Variants in NCKAP5 observed in about 807,000 individuals in gnomAD.
NCKAP5 encodes nck-associated protein 5.
A neutral mutation model predicts 167.0 loss-of-function variants in NCKAP5; 92 were observed. The ratio of observed to expected loss-of-function variants is 0.55; its 90% confidence interval spans 0.47 to 0.66. The LOEUF (loss-of-function observed/expected upper bound fraction) is 0.66. Ranked by LOEUF, NCKAP5 falls within the 30% of genes least tolerant of loss-of-function variation. The pLI is 0.00. For missense variants in NCKAP5, 2,378 were observed against 2,315.0 expected, an observed-to-expected ratio of 1.03 and a Z score of -0.56; for synonymous variants, 891 against 877.4, an observed-to-expected ratio of 1.02 and a Z score of -0.27.
At chr2:133,296,830 C>G (rs1481821479) in intron 4 of NCKAP5, among the ~76,000 whole-genome samples, 1 of 152,170 alleles carries the variant, frequency 6.6e-6, no homozygotes, top group East Asian at 1.9e-4. Flanking sequence ...TTATGCTGCT[C>G]TCACTTTTTT....
chr2:133,384,809 G>A (rs1029934491), intron 3 of NCKAP5, among the ~76,000 whole-genome samples: 1 of 152,180 alleles, frequency 6.6e-6, no homozygotes, highest in Non-Finnish European at 1.5e-5. Context: ...TCTCTTTGAA[G>A]CAATTGTGAA....
the NCKAP5 span, among the ~76,000 whole-genome samples, chr2:133,632,502 C>T: frequency 6.6e-6 from 1 of 152,162 alleles, no homozygotes; most frequent in South Asian, 2.1e-4. Context: ...GCTTTATTTA[C>T]TTTTTTATAC....
At chr2:133,426,131 G>A (rs968146224) in intron 3 of NCKAP5, among the ~76,000 whole-genome samples, 2 of 151,910 alleles carry the variant, frequency 1.3e-5, no homozygotes, top group South Asian at 2.1e-4. Context: ...TTAGCTGGAC[G>A]TGGTGGTGCG....
chr2:133,250,708 A>T (rs1026962858), intron 4 of NCKAP5, among the ~76,000 whole-genome samples: 1 of 151,690 alleles, frequency 6.6e-6, no homozygotes, highest in African/African-American at 2.4e-5. Flanking sequence ...GGAGCCAAGG[A>T]GGGAGGATCA....
intron 2 of NCKAP5, among the ~76,000 whole-genome samples, chr2:133,557,081 G>A (rs1388889606): frequency 1.3e-5 from 2 of 152,162 alleles, no homozygotes; most frequent in Non-Finnish European, 1.5e-5. Context: ...CCTAGCAATG[G>A]AGAGAATTCT....
chr2:133,086,278 A>T (rs2080987370), intron 6 of NCKAP5, among the ~76,000 whole-genome samples: 1 of 152,150 alleles, frequency 6.6e-6, no homozygotes, highest in Non-Finnish European at 1.5e-5. Context: ...ATATCTAAAC[A>T]AACAGCTATT....
intron 3 of NCKAP5, among the ~76,000 whole-genome samples, chr2:133,498,139 C>T (rs1682104312): frequency 6.6e-6 from 1 of 152,078 alleles, no homozygotes; most frequent in South Asian, 2.1e-4. Context: ...GGAACATATG[C>T]CCGACATTTG....
chr2:133,134,664 AATGATC>A (rs1198041837), intron 5 of NCKAP5, among the ~76,000 whole-genome samples: 2 of 152,220 alleles, frequency 1.3e-5, no homozygotes, highest in East Asian at 3.8e-4. Flanking sequence ...GGTTCTACAG[AATGATC>A]TTGTCTATAC....
intron 6 of NCKAP5, among the ~76,000 whole-genome samples, chr2:133,027,510 C>T (rs2078738843): frequency 6.6e-6 from 1 of 152,184 alleles, no homozygotes; most frequent in Non-Finnish European, 1.5e-5. Flanking sequence ...CAAGGTCACA[C>T]AGAGTGTAAG....
At chr2:132,954,261 C>A (rs1009725391) in intron 8 of NCKAP5, among the ~76,000 whole-genome samples, 1 of 152,116 alleles carries the variant, frequency 6.6e-6, no homozygotes, top group Non-Finnish European at 1.5e-5. Context: ...CAGCAGCCCA[C>A]GGACCCTCTC....
rs1164681056 is a variant in NCKAP5 at position 132,784,386 on chromosome 2, A to G, written c.2425T>C (p.Ser809Pro). ...NLTKIPPRGK[S>P]SPQKSKLMEP... ...ATTAGTTTTGATTTCTGAGGTGAAG[A>G]CTTGCCCCTGGGAGGTATTTTTGTC... The change falls in exon 14 of 20, where the codon TCT becomes CCT. Residue 809 changes from serine (S) to proline (P), a missense_variant. By Grantham distance (74) the Ser-to-Pro change is moderately conservative. This residue lies in a region of NCKAP5 where 1,049 missense variants were observed against 1,023.4 expected (regional missense o/e 1.02). Transcript: ENST00000409261. 2 of 1,613,704 alleles carry G rather than the reference A, an allele frequency of 1.2e-6. No individual in the cohort carries two copies. The highest frequency in any genetic ancestry group is 1.7e-6 in the Non-Finnish European group (2 of 1,179,856).
At chr2:133,535,272 C>A (rs1326252810) in intron 2 of NCKAP5, among the ~76,000 whole-genome samples, 6 of 151,722 alleles carry the variant, frequency 4.0e-5, no homozygotes, top group Non-Finnish European at 8.8e-5. Flanking sequence ...ATTTTTCAAC[C>A]CTCACCTTCC....
chr2:133,618,176 C>T, the NCKAP5 span, among the ~76,000 whole-genome samples: 13 of 152,120 alleles, frequency 8.5e-5, 1 homozygote, highest in South Asian at 1.7e-3. Flanking sequence ...AAGCCTTAAA[C>T]GTTAGACCTA....
In NCKAP5 at chr2:132,982,048, G is replaced by A. The variant is rs563365811; in HGVS notation, c.429+12104C>T. Among the ~76,000 whole-genome samples the A allele has an allele frequency of 5.3e-5, 8 of 152,274 alleles. No homozygotes were observed. In the East Asian group the frequency reaches 1.5e-3, roughly 29 times the overall value. ...TGCTAAAGCTTTAGGCTTACGAAAGGCATCCGTGGCACTGGCCATAGAAGT... is the reference window on the plus strand; with the variant it reads ...TGCTAAAGCTTTAGGCTTACGAAAGACATCCGTGGCACTGGCCATAGAAGT... On this transcript the variant is annotated intron_variant, in intron 7 of 19. Coordinates refer to ENST00000409261, the MANE Select transcript of NCKAP5 (RefSeq NM_207363.3).
At chr2:133,353,281 A>G (rs1684487742) in intron 3 of NCKAP5, among the ~76,000 whole-genome samples, 1 of 152,180 alleles carries the variant, frequency 6.6e-6, no homozygotes, top group East Asian at 1.9e-4. Context: ...ATCACCTACT[A>G]TCTGAGACAG....
chr2:133,238,405 G>A (rs970444279), intron 4 of NCKAP5, among the ~76,000 whole-genome samples: 2 of 152,152 alleles, frequency 1.3e-5, no homozygotes, highest in Admixed American at 6.5e-5. Context: ...CCACAGGACC[G>A]CAGAGCCTAT....
intron 6 of NCKAP5, among the ~76,000 whole-genome samples, chr2:133,008,251 A>G (rs2078033549): frequency 6.6e-6 from 1 of 152,034 alleles, no homozygotes; most frequent in Non-Finnish European, 1.5e-5. Context: ...TCCCAGCTAG[A>G]TATTGATTGT....
intron 3 of NCKAP5, among the ~76,000 whole-genome samples, chr2:133,503,043 G>A (rs570404791): frequency 6.6e-6 from 1 of 152,134 alleles, no homozygotes; most frequent in Non-Finnish European, 1.5e-5. Context: ...AGCTCTCAGG[G>A]GTGAGCCAGT....
intron 4 of NCKAP5, among the ~76,000 whole-genome samples, chr2:133,227,216 T>C (rs1250282010): frequency 5.9e-5 from 9 of 152,138 alleles, no homozygotes; most frequent in African/African-American, 1.7e-4. Flanking sequence ...TTCTCAAGAG[T>C]TGAAGATGAC....
Sources: allele counts gnomAD v4.1 joint callset (sites outside exome capture counted in the v4.1 genomes callset), GRCh38; gene constraint gnomAD v4.1.1; regional missense constraint gnomAD v4.1.1; transcripts MANE v1.5; gene names NCBI Gene and HGNC (gene_info 2026-07-23, HGNC 2026-07-21).